The following SEMA4D variants were observed in gnomAD, a reference collection of about 807,000 sequenced individuals.
The protein encoded by SEMA4D is semaphorin 4D.
Under a neutral mutation model 74.8 loss-of-function variants are expected in SEMA4D, and 22 were observed. The ratio of observed to expected loss-of-function variants is 0.29; its 90% confidence interval spans 0.21 to 0.42. The LOEUF (loss-of-function observed/expected upper bound fraction) is 0.42. Ranked by LOEUF, SEMA4D falls within the 10% of genes least tolerant of loss-of-function variation. The pLI is 1.00. For synonymous variants in SEMA4D, 445 were observed against 463.7 expected (o/e 0.96, Z 0.52); for missense variants, 937 against 1,118.4 (o/e 0.84, Z 2.31).
chr9:89,365,680 A>C (rs1355045856), intron 16 of SEMA4D: 1 of 152,278 alleles, frequency 6.6e-6, no homozygotes, highest in Non-Finnish European at 1.5e-5. Context: ...AGTCCAAAGT[A>C]CCTGCACACA....
chr9:89,372,650 G>A (rs1401748671), downstream of SEMA4D, among the ~76,000 whole-genome samples: 2 of 152,028 alleles, frequency 1.3e-5, no homozygotes, highest in Non-Finnish European at 2.9e-5. Flanking sequence ...CCCTGCCGAT[G>A]CACTCAGTCC....
rs867369089 is a variant in SEMA4D at position 89,386,399 on chromosome 9, G to A, written c.1414C>T (p.Pro472Ser). ...GAAGACAGCAGCAGGGTCTGGACTGGCTCAAAGTCCTGGAAGAGCTGGGTC... is the reference window on the plus strand; with the variant it reads ...GAAGACAGCAGCAGGGTCTGGACTGACTCAAAGTCCTGGAAGAGCTGGGTC... ...EETQLFQDFE[P>S]VQTLLLSSKK... The change falls in exon 13 of 16, where the codon CCA becomes TCA. Residue 472 changes from proline to serine, a missense_variant. Coordinates refer to ENST00000422704, the MANE Select transcript of SEMA4D (RefSeq NM_001371194.2). The A allele has an allele frequency of 6.2e-7, 1 of 1,613,924 alleles. No homozygotes were observed.
At chr9:89,385,503 T>C (rs1838248271) in intron 13 of SEMA4D, 12 of 985,342 alleles carry the variant, frequency 1.2e-5, no homozygotes, top group Non-Finnish European at 1.4e-5. Context: ...ACCGAGAGGC[T>C]GGTGAACAGA....
rs1255888512 is a variant in SEMA4D at position 89,381,351 on chromosome 9, G to A, written c.1447-5C>T. The A allele has an allele frequency of 3.3e-5, 49 of 1,466,952 alleles. No homozygotes were observed. Among genetic ancestry groups the A allele is most frequent in the Admixed American group, 1.3e-4 (5 of 38,756 alleles). The allele number at this position is 1,466,952 out of a possible 1,614,324, so 90.9% of individuals were successfully genotyped here. A position where few individuals can be genotyped will look rare whatever the true frequency, so the allele number is the denominator to read the frequency against. The stretch of plus-strand genomic sequence containing the variant: ...AGCATAGACAAACCTGTTGCCCTGC[G>A]TGTATGAGACAGAGAAGAACTAGCA... On this transcript the variant is annotated splice_polypyrimidine_tract_variant and splice_region_variant and intron_variant, in intron 13 of 15. Coordinates refer to ENST00000422704, the MANE Select transcript of SEMA4D (RefSeq NM_001371194.2). The surrounding 1 kb of genome is among the most constrained non-coding windows in gnomAD (Gnocchi z 4.6).
chr9:89,481,846 G>A (rs1297946657), intron 1 of SEMA4D, among the ~76,000 whole-genome samples: 1 of 152,254 alleles, frequency 6.6e-6, no homozygotes, highest in Non-Finnish European at 1.5e-5. Context: ...TCGCAGGGCT[G>A]GCTCCATTTG....
chr9:89,429,777 T>C (rs147837298), intron 2 of SEMA4D, among the ~76,000 whole-genome samples: 260 of 152,118 alleles, frequency 1.7e-3, no homozygotes, highest in African/African-American at 5.9e-3. Flanking sequence ...CCAGAGCGCA[T>C]GGTGCAATAA....
chr9:89,482,752 T>C, intron 1 of SEMA4D, among the ~76,000 whole-genome samples: 1 of 152,244 alleles, frequency 6.6e-6, no homozygotes, highest in East Asian at 1.9e-4. Context: ...ACACCATCAC[T>C]TATTTAGAGA....
intron 9 of SEMA4D, among the ~76,000 whole-genome samples, chr9:89,389,398 G>A (rs1287882382): frequency 2.0e-5 from 3 of 152,218 alleles, no homozygotes; most frequent in African/African-American, 4.8e-5. Context: ...CAAGGCCCCT[G>A]GCATTGTGTG....
At chr9:89,385,866 G>GGGGGGGGGGGGGGCCCC in intron 13 of SEMA4D, 11 of 196,226 alleles carry the variant, frequency 5.6e-5, no homozygotes, top group Non-Finnish European at 9.9e-5. Flanking sequence ...CAGCGTGGAT[G>GGGGGGGGGGGGGGCCCC]CCCGCCCACC....
At position 89,379,006 on chromosome 9, in the gene SEMA4D, G is replaced by C. The variant is rs1588154632; in HGVS notation, c.2287C>G (p.Gln763Glu). ...AGGGCCGAGCGGAATTTCAAGCACT[G>C]TCTGGGCAGGTATCCCTTATAGCAG... is the stretch of plus-strand genomic sequence containing the variant. ...YNCYKGYLPRQCLKFRSALLI... is the reference protein window; with the variant it reads ...YNCYKGYLPRECLKFRSALLI... The change falls in exon 16 of 16, where the codon CAG (glutamine) becomes GAG (glutamate). Residue 763 changes from glutamine to glutamate, a missense_variant. Physicochemically the swap from Gln to Glu is conservative, Grantham distance 29. Coordinates refer to ENST00000422704, the MANE Select transcript of SEMA4D (RefSeq NM_001371194.2). 1 of 1,612,600 alleles carries C rather than the reference G, an allele frequency of 6.2e-7. No individual in the cohort carries two copies.
rs1564654767 is a variant in SEMA4D, at chr9:89,405,966, G to GT, written c.-243-268dup. On this transcript the variant is annotated intron_variant, in intron 2 of 15. Coordinates refer to ENST00000422704, the MANE Select transcript of SEMA4D (RefSeq NM_001371194.2). ...GACAGACACATGGAGAGGACCTGGT[G>GT]TGGGGCACCCGGCAGACACACATGG... 3.6e-6 allele frequency: 4 copies of GT among 1,109,572 alleles called. No individual in the cohort carries two copies. The African/African-American group carries it at 6.5e-5, about 18-fold the overall frequency. 68.7% of individuals were successfully genotyped at this position (1,109,572 alleles called of 1,614,324 possible).
At chr9:89,469,217 C>T (rs568600780) in intron 1 of SEMA4D, among the ~76,000 whole-genome samples, 1 of 152,250 alleles carries the variant, frequency 6.6e-6, no homozygotes, top group Non-Finnish European at 1.5e-5. Context: ...CAACCAACCA[C>T]CAAAATTCAC....
chr9:89,452,718 G>A (rs1854904937), intron 2 of SEMA4D, among the ~76,000 whole-genome samples: 1 of 152,244 alleles, frequency 6.6e-6, no homozygotes, highest in Non-Finnish European at 1.5e-5. Context: ...CTCCCAAAGT[G>A]CTGGGATTAT....
At chr9:89,399,170 C>A in intron 5 of SEMA4D, 106 bp downstream of exon 5, 1 of 917,054 alleles carries the variant, frequency 1.1e-6, no homozygotes. Flanking sequence ...TGAACAGAGC[C>A]TGGAGAAAAG....
chr9:89,368,027 G>C (rs971415468), intron 16 of SEMA4D: 2 of 152,266 alleles, frequency 1.3e-5, no homozygotes, highest in South Asian at 4.1e-4. Flanking sequence ...CAGTGGCCTC[G>C]CCCTGAGGAA....
chr9:89,470,064 G>A (rs764360510), intron 1 of SEMA4D, among the ~76,000 whole-genome samples: 1 of 152,114 alleles, frequency 6.6e-6, no homozygotes, highest in Non-Finnish European at 1.5e-5. Context: ...AAGTCAAGAG[G>A]GTCCAAGATC....
chr9:89,403,540 T>G (rs1208170599), intron 3 of SEMA4D, among the ~76,000 whole-genome samples: 2 of 152,256 alleles, frequency 1.3e-5, no homozygotes, highest in Admixed American at 6.5e-5. Context: ...CAATTCTCAG[T>G]GATCACCACC....
At position 89,379,279 on chromosome 9, in the gene SEMA4D, C is replaced by G. The variant is rs771317969; in HGVS notation, c.2014G>C (p.Val672Leu). The G allele has an allele frequency of 2.5e-6, 4 of 1,613,840 alleles. No individual in the cohort carries two copies. In the East Asian group the frequency reaches 8.9e-5, roughly 36 times the overall value. The change falls in exon 16 of 16, where the codon GTG (valine) becomes CTG (leucine). Residue 672 changes from valine (V) to leucine (L), a missense_variant. Physicochemically the swap from Val to Leu is conservative, Grantham distance 32 (BLOSUM62 1). Coordinates refer to ENST00000422704, the MANE Select transcript of SEMA4D (RefSeq NM_001371194.2). ...GACCCTTGGGTGGATGCCACCAACA[C>G]TTTGGTGGCAATCCTACTACCTTCT... ...QTEGSRIATK[V>L]LVASTQGSSP...
chr9:89,363,901 CT>C lies in SEMA4D; in HGVS notation c.1931del (p.Glu644GlyfsTer51). 6.2e-7 allele frequency: 1 copy of C among 1,614,108 alleles called. No homozygotes were observed. The highest frequency in any genetic ancestry group is 8.5e-7 in the Non-Finnish European group (1 of 1,180,026). On this transcript the variant is annotated frameshift_variant, in exon 17 of 19. Transcript: ENST00000339861. LOFTEE classifies it high-confidence loss of function. Reference sequence around the variant, plus strand: ...CATGGGTCTGCACAGGGACACAGGTCTCCAGAGCTCGCCCATTCTTCTCCCA... The same window carrying C: ...CATGGGTCTGCACAGGGACACAGGTCCCAGAGCTCGCCCATTCTTCTCCCA...
Sources: gnomAD v4.1 joint callset for allele counts (sites outside exome capture counted in the v4.1 genomes callset) on GRCh38, gnomAD v4.1.1 for gene constraint, Gnocchi (gnomAD v3.1) non-coding constraint, MANE v1.5 for transcripts, NCBI Gene and HGNC (gene_info 2026-07-23, HGNC 2026-07-21) for gene names.